Variants in DGKD observed in about 807,000 individuals in gnomAD.
DGKD encodes DAG kinase delta.
DGKD carries 68 observed loss-of-function variants against 154.4 expected under a neutral mutation model. The ratio of observed to expected loss-of-function variants is 0.44; its 90% confidence interval spans 0.36 to 0.54. The LOEUF is 0.54. Among genes scored for constraint, DGKD ranks in the 20% least tolerant of loss-of-function variants. The pLI, the probability that DGKD is intolerant of heterozygous loss-of-function variation, is 0.00. For synonymous variants in DGKD, 693 were observed against 638.0 expected (o/e 1.09, Z -1.30); for missense variants, 1,343 against 1,593.6 (o/e 0.84, Z 2.68).
intron 1 of DGKD, among the ~76,000 whole-genome samples, chr2:233,377,771 G>A (rs574346783): frequency 7.4e-4 from 113 of 152,162 alleles, no homozygotes; most frequent in Non-Finnish European, 1.3e-3. Context: ...CTGTCTCCCC[G>A]TTGCCATAGA....
Position 233,438,792 on chromosome 2 carries a change from A to ATCTATCTG in DGKD, c.1085+420_1085+421insGTCTATCT, listed in dbSNP as rs1186665587. On this transcript the variant is annotated intron_variant, in intron 9 of 29. Coordinates refer to ENST00000264057, the MANE Select transcript of DGKD (RefSeq NM_152879.3). This position sits in a 1 kb window ranked among gnomAD's most constrained non-coding sequence, Gnocchi z 4.1. ...TATCTATCTATCTATCTATCTATCT[A>ATCTATCTG]TCTATCTATCTATCTATCTATCTGT... 4.1e-5 allele frequency among the ~76,000 whole-genome samples: 6 copies of ATCTATCTG among 147,942 alleles called. No homozygotes were observed. The highest frequency in any genetic ancestry group is 7.4e-5 in the Non-Finnish European group (5 of 67,702).
chr2:233,447,480 G>A (rs574775321), intron 12 of DGKD: 25 of 985,192 alleles, frequency 2.5e-5, no homozygotes, highest in East Asian at 2.3e-4. Flanking sequence ...CCTTGCAAGC[G>A]AAGACTGGTT....
At chr2:233,426,210 C>T (rs2062292793) in intron 3 of DGKD, among the ~76,000 whole-genome samples, 1 of 152,168 alleles carries the variant, frequency 6.6e-6, no homozygotes, top group African/African-American at 2.4e-5. Flanking sequence ...TATTCATATT[C>T]ATGTTTCCAC....
At chr2:233,417,471 C>A (rs2061987420) in intron 3 of DGKD, among the ~76,000 whole-genome samples, 2 of 152,134 alleles carry the variant, frequency 1.3e-5, no homozygotes, top group Non-Finnish European at 2.9e-5. Context: ...TTCTCAGTGG[C>A]CTGCCCCAGC....
intron 5 of DGKD, 33 bp downstream of exon 5, chr2:233,434,934 A>G: frequency 6.3e-7 from 1 of 1,591,434 alleles, no homozygotes. Context: ...CTGTCAGGAA[A>G]GGTGGCCTGG....
chr2:233,383,646 C>A (rs950345008), intron 1 of DGKD, among the ~76,000 whole-genome samples: 1 of 152,174 alleles, frequency 6.6e-6, no homozygotes, highest in African/African-American at 2.4e-5. Flanking sequence ...CAGGAGCTCA[C>A]GCGTGTGGTG....
chr2:233,449,111 C>T lies in DGKD; in HGVS notation c.1623C>T (p.Val541=), dbSNP rs878928854. 2 of 1,595,900 alleles carry T rather than the reference C, an allele frequency of 1.3e-6. No homozygotes were observed. The highest frequency in any genetic ancestry group is 2.2e-5 in the South Asian group (2 of 90,528). The change falls in exon 15 of 30, where the codon GTC becomes GTT. Residue 541 remains valine, a synonymous_variant. Coordinates refer to ENST00000264057, the MANE Select transcript of DGKD (RefSeq NM_152879.3). This position sits in a 1 kb window ranked among gnomAD's most constrained non-coding sequence, Gnocchi z 5.3. ...ESEVMAKKCS[V]LKEKLDSLLK... ...TTCCTTTCCTTGTTCAGTGCTCTGTCCTGAAAGAGAAGCTGGATTCCCTTC... is the reference window on the plus strand; with the variant it reads ...TTCCTTTCCTTGTTCAGTGCTCTGTTCTGAAAGAGAAGCTGGATTCCCTTC...
chr2:233,426,264 T>G (rs2062294764), intron 3 of DGKD, among the ~76,000 whole-genome samples: 1 of 152,222 alleles, frequency 6.6e-6, no homozygotes, highest in Non-Finnish European at 1.5e-5. Flanking sequence ...TAACCAGATT[T>G]TATGCAGGAG....
In DGKD at chr2:233,449,895, G is replaced by A. The variant is rs926881096; in HGVS notation, c.1889-87G>A. 1.1e-5 allele frequency: 16 copies of A among 1,456,176 alleles called. No individual in the cohort carries two copies. Among genetic ancestry groups the A allele is most frequent in the Admixed American group, 2.3e-5 (1 of 42,664 alleles). 90.2% of individuals were successfully genotyped at this position (1,456,176 alleles called of 1,614,324 possible). A position where few individuals can be genotyped will look rare whatever the true frequency, so the allele number is the denominator to read the frequency against. The stretch of plus-strand genomic sequence containing the variant: ...TTGTTTGAGGAAGATCAGGCCGTGG[G>A]GTGAGGATGAGGGGCCCTCCACCCA... On this transcript the variant is annotated intron_variant, in intron 15 of 29. Transcript: ENST00000264057. This position sits in a 1 kb window ranked among gnomAD's most constrained non-coding sequence, Gnocchi z 5.3.
intron 2 of DGKD, among the ~76,000 whole-genome samples, chr2:233,389,667 C>T (rs1474219712): frequency 6.6e-6 from 1 of 151,676 alleles, no homozygotes; most frequent in Non-Finnish European, 1.5e-5. Context: ...AGTTTCTTTT[C>T]TGAGTTATTA....
chr2:233,447,649 TG>T, intron 12 of DGKD: 1 of 1,009,264 alleles, frequency 9.9e-7, no homozygotes, highest in Non-Finnish European at 1.2e-6. Context: ...GGGATAGGGC[TG>T]CCCTTCTGAC....
rs139493767 is a variant in DGKD at position 233,374,827 on chromosome 2, A to C, written c.157-13430A>C. ...CAGCCAATTTTAAAAGTTTTTATAG[A>C]GATAGAGTCTCTATAAAAGCAGAGG... On this transcript the variant is annotated intron_variant, in intron 1 of 29. Coordinates refer to ENST00000264057, the MANE Select transcript of DGKD (RefSeq NM_152879.3). Among the ~76,000 whole-genome samples, 480 of 151,036 alleles carry C rather than the reference A, an allele frequency of 3.2e-3. 1 individual carries two copies. Among genetic ancestry groups the C allele is most frequent in the African/African-American group, 0.011 (446 of 41,064 alleles).
At position 233,388,274 on chromosome 2, in the gene DGKD, G is replaced by A. The variant is rs2125438312; in HGVS notation, c.174G>A (p.Gly58=). 7 of 1,613,786 alleles carry A rather than the reference G, an allele frequency of 4.3e-6. No homozygotes were observed. The highest frequency in any genetic ancestry group is 5.9e-6 in the Non-Finnish European group (7 of 1,179,924). Residue 58 remains glycine (G), a synonymous_variant, in exon 2 of 30, where the codon GGG becomes GGA. Coordinates refer to ENST00000264057, the MANE Select transcript of DGKD (RefSeq NM_152879.3). The stretch of plus-strand genomic sequence containing the variant: ...ACTTTCAGACCATCATCAAAGAGGG[G>A]ATGCTGACCAAACAGAACAATTCAT... ...QIRQKTIIKE[G]MLTKQNNSFQ... is the part of the protein sequence containing the mutation.
chr2:233,391,857 T>C (rs1343877752), intron 3 of DGKD, among the ~76,000 whole-genome samples: 1 of 152,220 alleles, frequency 6.6e-6, no homozygotes, highest in Admixed American at 6.5e-5. Context: ...GATTAACTGC[T>C]CTTATTTTAC....
chr2:233,430,056 G>A (rs911171658), intron 3 of DGKD, among the ~76,000 whole-genome samples: 99 of 152,308 alleles, frequency 6.5e-4, no homozygotes, highest in African/African-American at 2.3e-3. Flanking sequence ...GAGATGTGCC[G>A]AAATCTAAAA....
At chr2:233,443,235 C>T (rs1053669097) in intron 10 of DGKD, among the ~76,000 whole-genome samples, 7 of 152,204 alleles carry the variant, frequency 4.6e-5, no homozygotes, top group African/African-American at 1.7e-4. Context: ...AAATGTCTGA[C>T]CTTTACTTCT....
chr2:233,370,578 T>G (rs1702267401), intron 1 of DGKD, among the ~76,000 whole-genome samples: 1 of 150,650 alleles, frequency 6.6e-6, no homozygotes, highest in African/African-American at 2.4e-5. Context: ...TTCTTTTTTT[T>G]TTTTTTTTTT....
chr2:233,440,443 G>A lies in DGKD; in HGVS notation c.1086-1444G>A, dbSNP rs146418302. ...ATGCAGGGAATGGGTAGGAGCACAC[G>A]CAGGGTCCCCCGGCACTTCAGTGGG... On this transcript the variant is annotated intron_variant, in intron 9 of 29. Coordinates refer to ENST00000264057, the MANE Select transcript of DGKD (RefSeq NM_152879.3). The surrounding 1 kb of genome is among the most constrained non-coding windows in gnomAD (Gnocchi z 4.9). Among the ~76,000 whole-genome samples the A allele has an allele frequency of 6.6e-6, 1 of 152,314 alleles. No individual in the cohort carries two copies. The highest frequency in any genetic ancestry group is 1.5e-5 in the Non-Finnish European group (1 of 68,028).
At chr2:233,384,354 C>T (rs1703059735) in intron 1 of DGKD, among the ~76,000 whole-genome samples, 1 of 152,176 alleles carries the variant, frequency 6.6e-6, no homozygotes, top group African/African-American at 2.4e-5. Flanking sequence ...TCCTTTCTGG[C>T]TTTCCTTCCT....
Sources: gnomAD v4.1 joint callset for allele counts (sites outside exome capture counted in the v4.1 genomes callset) on GRCh38, gnomAD v4.1.1 for gene constraint, Gnocchi (gnomAD v3.1) non-coding constraint, MANE v1.5 for transcripts, NCBI Gene and HGNC (gene_info 2026-07-23, HGNC 2026-07-21) for gene names.